The following GRM5 variants were observed in gnomAD, a reference collection of about 807,000 sequenced individuals.
GRM5 encodes metabotropic glutamate receptor 5.
GRM5 carries 19 observed loss-of-function variants against 83.1 expected under a neutral mutation model. The observed-to-expected ratio is 0.23, with a 90% CI of 0.16 to 0.34. The LOEUF is 0.34. Ranked by LOEUF, GRM5 falls within the 10% of genes least tolerant of loss-of-function variation. The pLI, the probability that GRM5 is intolerant of heterozygous loss-of-function variation, is 1.00. For missense variants in GRM5, 1,160 were observed against 1,588.3 expected (o/e 0.73, Z 4.58); for synonymous variants, 675 against 633.6 (o/e 1.07, Z -0.98).
At chr11:88,597,751 A>G (rs1045699359) in intron 5 of GRM5, among the ~76,000 whole-genome samples, 2 of 152,144 alleles carry the variant, frequency 1.3e-5, no homozygotes, top group African/African-American at 4.8e-5. Context: ...TAAATCTTTC[A>G]TCTTATTTTC....
intron 2 of GRM5, among the ~76,000 whole-genome samples, chr11:88,884,724 G>T (rs1422856090): frequency 2.6e-5 from 4 of 152,142 alleles, no homozygotes; most frequent in African/African-American, 9.7e-5. Context: ...TGCTATTCTT[G>T]CGGTAGTGAA....
chr11:88,542,928 T>A (rs965837069), intron 8 of GRM5, among the ~76,000 whole-genome samples: 1 of 151,936 alleles, frequency 6.6e-6, no homozygotes, highest in East Asian at 1.9e-4. Flanking sequence ...ATTAGCTAGG[T>A]ATGGTGGCAC....
chr11:88,605,824 G>A (rs115875557), intron 4 of GRM5, among the ~76,000 whole-genome samples: 4,664 of 152,270 alleles, frequency 0.031, 194 homozygotes, highest in African/African-American at 0.094. Context: ...TGACAAGTAT[G>A]GACTTAGTGC....
chr11:88,795,831 AAAC>A (rs1322545288), intron 3 of GRM5, among the ~76,000 whole-genome samples: 1 of 152,206 alleles, frequency 6.6e-6, no homozygotes, highest in Non-Finnish European at 1.5e-5. Context: ...TAGCCTGAGA[AAAC>A]AACGAGTTTA....
At chr11:88,651,067 C>G (rs913119903) in intron 4 of GRM5, among the ~76,000 whole-genome samples, 8 of 151,884 alleles carry the variant, frequency 5.3e-5, no homozygotes, top group African/African-American at 1.7e-4. Flanking sequence ...AGAACAGATT[C>G]TGAGCAGAGA....
intron 3 of GRM5, among the ~76,000 whole-genome samples, chr11:88,776,966 T>C (rs1363812443): frequency 2.6e-5 from 4 of 152,194 alleles, no homozygotes; most frequent in African/African-American, 9.7e-5. Flanking sequence ...TCTGTATTTC[T>C]TGAATTTGAA....
At chr11:88,939,991 A>G (rs1385647628) in intron 2 of GRM5, among the ~76,000 whole-genome samples, 2 of 151,890 alleles carry the variant, frequency 1.3e-5, no homozygotes, top group Non-Finnish European at 2.9e-5. Flanking sequence ...AATAAAAGGA[A>G]TCAGATTGTA....
intron 3 of GRM5, among the ~76,000 whole-genome samples, chr11:88,764,377 CT>C (rs1942585799): frequency 6.6e-6 from 1 of 151,636 alleles, no homozygotes; most frequent in Admixed American, 6.6e-5. Context: ...CAGAAGAACA[CT>C]CTACCAAACA....
rs376367407 is a variant in GRM5 at position 88,962,906 on chromosome 11, T to C, written c.661+84306A>G. On this transcript the variant is annotated intron_variant, in intron 2 of 9. Coordinates refer to ENST00000305447, the MANE Select transcript of GRM5 (RefSeq NM_001143831.3). ...GAGATAGACACCATCCTGGCCAACA[T>C]GGTGAAACCTCGTCTCTACTAAAAA... Among the ~76,000 whole-genome samples the C allele has an allele frequency of 3.9e-5, 6 of 152,262 alleles. No homozygotes were observed. The South Asian group carries it at 1.2e-3, about 32-fold the overall frequency.
intron 3 of GRM5, among the ~76,000 whole-genome samples, chr11:88,847,111 A>G (rs1944313923): frequency 6.6e-6 from 1 of 152,156 alleles, no homozygotes; most frequent in Non-Finnish European, 1.5e-5. Context: ...TTTTTCTTAC[A>G]AACTATTAAC....
intron 2 of GRM5, among the ~76,000 whole-genome samples, chr11:88,921,854 AATG>A (rs1420771188): frequency 6.6e-6 from 1 of 152,120 alleles, no homozygotes; most frequent in South Asian, 2.1e-4. Context: ...AGAAACTCCT[AATG>A]ATGCCATCAA....
chr11:88,658,802 G>A (rs560446263), intron 3 of GRM5, among the ~76,000 whole-genome samples: 2 of 152,278 alleles, frequency 1.3e-5, no homozygotes, highest in Admixed American at 6.5e-5. Context: ...CAGCTATGTA[G>A]GGTGCACAGG....
At chr11:88,986,726 G>GTTTT (rs1939724818) in intron 2 of GRM5, among the ~76,000 whole-genome samples, 2 of 45,274 alleles carry the variant, frequency 4.4e-5, no homozygotes, top group African/African-American at 2.1e-4. Context: ...GTTTATTTTT[G>GTTTT]CTTTTTTTTT....
chr11:88,972,914 T>C (rs1939211498), intron 2 of GRM5, among the ~76,000 whole-genome samples: 1 of 152,180 alleles, frequency 6.6e-6, no homozygotes, highest in East Asian at 1.9e-4. Flanking sequence ...TGTGGTATTC[T>C]TGCCAGAAAC....
intron 3 of GRM5, among the ~76,000 whole-genome samples, chr11:88,780,834 G>T (rs1192290846): frequency 6.6e-6 from 1 of 151,864 alleles, no homozygotes. Context: ...TTTTCCTATT[G>T]AAAAAGTGTT....
intron 8 of GRM5, among the ~76,000 whole-genome samples, chr11:88,559,930 T>G (rs1000617200): frequency 5.3e-5 from 8 of 152,114 alleles, no homozygotes; most frequent in Non-Finnish European, 1.2e-4. Context: ...TAATGCAGTC[T>G]CAGAGGGCCA....
At chr11:88,769,082 T>C (rs11021265) in intron 3 of GRM5, among the ~76,000 whole-genome samples, 1 of 152,034 alleles carries the variant, frequency 6.6e-6, no homozygotes, top group African/African-American at 2.4e-5. Context: ...AGTCAATAAA[T>C]TTGTTTCCCA....
At chr11:88,758,933 C>A (rs1047995689) in intron 3 of GRM5, among the ~76,000 whole-genome samples, 1 of 151,980 alleles carries the variant, frequency 6.6e-6, no homozygotes, top group Admixed American at 6.6e-5. Flanking sequence ...TTGAAGCCAA[C>A]ATTCTTACAG....
intron 8 of GRM5, among the ~76,000 whole-genome samples, chr11:88,537,073 C>T (rs1365015999): frequency 6.6e-6 from 1 of 152,146 alleles, no homozygotes; most frequent in Admixed American, 6.6e-5. Context: ...ATCTCATGCT[C>T]TTCATTAACA....
Sources: gnomAD v4.1 joint callset for allele counts (sites outside exome capture counted in the v4.1 genomes callset) on GRCh38, gnomAD v4.1.1 for gene constraint, MANE v1.5 for transcripts, NCBI Gene and HGNC (gene_info 2026-07-23, HGNC 2026-07-21) for gene names.